The following PACRGL variants were observed in gnomAD, a reference collection of about 807,000 sequenced individuals.
The protein encoded by PACRGL is parkin coregulated like.
Under a neutral mutation model 34.5 loss-of-function variants are expected in PACRGL, and 38 were observed. The ratio of observed to expected loss-of-function variants is 1.10; its 90% confidence interval spans 0.85 to 1.44. The LOEUF is 1.44. Ranked by LOEUF, PACRGL falls within the 40% of genes most tolerant of loss-of-function variation. The pLI is 0.00. For synonymous variants in PACRGL, 128 were observed against 100.1 expected (o/e 1.28, Z -1.66); for missense variants, 305 against 281.4 (o/e 1.08, Z -0.60).
chr4:20,758,965 G>C, the PACRGL span: 1 of 1,147,846 alleles, frequency 8.7e-7, no homozygotes, highest in Non-Finnish European at 1.3e-6. Flanking sequence ...TTTTGAAACA[G>C]AACTGTCTAC....
At chr4:20,747,804 A>T (rs900360033) in intron 8 of PACRGL, among the ~76,000 whole-genome samples, 1 of 151,994 alleles carries the variant, frequency 6.6e-6, no homozygotes, top group Non-Finnish European at 1.5e-5. Context: ...TGCCCTGTTC[A>T]TCCTGCCCCT....
Position 20,712,828 on chromosome 4 carries a change from A to G in PACRGL, c.407A>G (p.Lys136Arg). 6.3e-7 allele frequency: 1 copy of G among 1,597,904 alleles called. No homozygotes were observed. Among genetic ancestry groups the G allele is most frequent in the Non-Finnish European group, 8.5e-7 (1 of 1,170,404 alleles). ...ETKHPYTFVS[K>R]EGFRELLLVK... The stretch of plus-strand genomic sequence containing the variant: ...AAGCATCCATACACTTTTGTGTCAA[A>G]GGAGGGTTTTAGAGAATTACTTTTG... The change falls in exon 6 of 9, where the codon AAG (lysine) becomes AGG (arginine). Residue 136 changes from lysine (K) to arginine (R), a missense_variant. By Grantham distance (26) the Lys-to-Arg change is conservative. Coordinates refer to ENST00000503585, the MANE Select transcript of PACRGL (RefSeq NM_001258345.3).
At chr4:20,708,702 A>G (rs10031524) in intron 4 of PACRGL, among the ~76,000 whole-genome samples, 76,602 of 152,006 alleles carry the variant, frequency 0.5, 19,868 homozygotes, top group African/African-American at 0.61. Flanking sequence ...TCAAGAAGTC[A>G]AGAACATTAC....
the PACRGL span, among the ~76,000 whole-genome samples, chr4:20,762,899 C>G: frequency 6.6e-6 from 1 of 152,276 alleles, no homozygotes; most frequent in South Asian, 2.1e-4. Flanking sequence ...CCTCAGGAAA[C>G]TTACAATCAT....
At chr4:20,726,369 A>G (rs752697989) in intron 8 of PACRGL, among the ~76,000 whole-genome samples, 1 of 152,058 alleles carries the variant, frequency 6.6e-6, no homozygotes, top group Non-Finnish European at 1.5e-5. Flanking sequence ...AAGGGCTGTT[A>G]TTATTTATTT....
At chr4:20,700,149 G>T (rs1731572015), upstream of PACRGL, among the ~76,000 whole-genome samples, 1 of 152,218 alleles carries the variant, frequency 6.6e-6, no homozygotes, top group African/African-American at 2.4e-5. Context: ...AAGTGTGCGA[G>T]AAAAGCGTTT....
chr4:20,724,296 G>A (rs1744735478), intron 7 of PACRGL, among the ~76,000 whole-genome samples: 1 of 152,128 alleles, frequency 6.6e-6, no homozygotes, highest in Non-Finnish European at 1.5e-5. Context: ...GATGGCCCAT[G>A]GATCTGCATG....
Position 20,707,833 on chromosome 4 carries a change from T to G in PACRGL, c.238T>G (p.Phe80Val). 1 of 1,613,908 alleles carries G rather than the reference T, an allele frequency of 6.2e-7. No homozygotes were observed. The highest frequency in any genetic ancestry group is 2.2e-5 in the East Asian group (1 of 44,876). ...FGEQSRVPSA[F>V]AAIYSKGGIP... ...TGAACAGTCACGAGTGCCTTCTGCATTTGCAGCTATTTACTCTAAAGGAGG... is the reference window on the plus strand; with the variant it reads ...TGAACAGTCACGAGTGCCTTCTGCAGTTGCAGCTATTTACTCTAAAGGAGG... The change falls in exon 4 of 9, where the codon TTT (phenylalanine) becomes GTT (valine). Residue 80 changes from phenylalanine to valine, a missense_variant. Physicochemically the swap from Phe to Val is conservative, Grantham distance 50 (BLOSUM62 -1). Coordinates refer to ENST00000503585, the MANE Select transcript of PACRGL (RefSeq NM_001258345.3).
upstream of PACRGL, among the ~76,000 whole-genome samples, chr4:20,699,145 A>G (rs573728221): frequency 6.6e-6 from 1 of 152,224 alleles, no homozygotes; most frequent in Non-Finnish European, 1.5e-5. Flanking sequence ...GCTAGGAGTA[A>G]GGAAAATATA....
chr4:20,766,108 T>A, the PACRGL span, among the ~76,000 whole-genome samples: 9 of 152,198 alleles, frequency 5.9e-5, no homozygotes, highest in Non-Finnish European at 1.2e-4. Flanking sequence ...TTCCAACCCT[T>A]GCATTAAATG....
rs1472601462 is a variant in PACRGL at position 20,720,087 on chromosome 4, G to A, written c.610-4721G>A. Among the ~76,000 whole-genome samples the A allele has an allele frequency of 5.9e-5, 9 of 152,192 alleles. No homozygotes were observed. The South Asian group carries it at 1.7e-3, about 28-fold the overall frequency. On this transcript the variant is annotated intron_variant, in intron 7 of 8. Coordinates refer to ENST00000503585, the MANE Select transcript of PACRGL (RefSeq NM_001258345.3). ...TTGATCCCTTTACCATTATGTAATG[G>A]CCTTCTTTGTCTCTTTTGATCTTTG...
intron 5 of PACRGL, among the ~76,000 whole-genome samples, chr4:20,712,323 C>T (rs1353891239): frequency 6.6e-6 from 1 of 150,738 alleles, no homozygotes. Flanking sequence ...GTACAGTTGG[C>T]CCTTCCCATC....
At chr4:20,760,161 T>C in the PACRGL span, among the ~76,000 whole-genome samples, 1 of 152,174 alleles carries the variant, frequency 6.6e-6, no homozygotes. Context: ...AAGTTCTGTT[T>C]AGTCTCTTTT....
At chr4:20,705,828 G>A (rs2149055155) in intron 3 of PACRGL, among the ~76,000 whole-genome samples, 1 of 150,516 alleles carries the variant, frequency 6.6e-6, no homozygotes, top group Non-Finnish European at 1.5e-5. Context: ...TAAAACAAAT[G>A]AGTTGGAAGT....
chr4:20,753,640 T>C (rs1234976635), downstream of PACRGL, among the ~76,000 whole-genome samples: 3 of 152,204 alleles, frequency 2.0e-5, no homozygotes, highest in South Asian at 6.2e-4. Context: ...CTTCATGTAT[T>C]TGAATATACA....
In PACRGL at chr4:20,731,305, C is replaced by CTTAAG. The variant is rs893170325; in HGVS notation, c.*3968_*3972dup. On this transcript the variant is annotated 3_prime_UTR_variant, in exon 9 of 9. Coordinates refer to ENST00000503585, the MANE Select transcript of PACRGL (RefSeq NM_001258345.3). The stretch of plus-strand genomic sequence containing the variant: ...CCCACATTGGACTCAAAATCCTGGC[C>CTTAAG]TTAAGTTATCTTCCCGCCTCAGCCT... 12 of 784,580 alleles carry CTTAAG rather than the reference C, an allele frequency of 1.5e-5. No homozygotes were observed. Among genetic ancestry groups the CTTAAG allele is most frequent in the Admixed American group, 6.3e-5 (1 of 15,984 alleles). 48.6% of individuals were successfully genotyped at this position (784,580 alleles called of 1,614,324 possible).
Position 20,704,494 on chromosome 4 carries a change from G to T in PACRGL, c.13G>T (p.Glu5Ter), listed in dbSNP as rs1344088363. 1.2e-6 allele frequency: 2 copies of T among 1,613,762 alleles called. No homozygotes were observed. The highest frequency in any genetic ancestry group is 1.1e-5 in the South Asian group (1 of 91,052). MQKS[E>*]GSGGTQLKNR... is the part of the protein sequence containing the mutation. ...TGAAAGGGAAGCAATGCAGAAATCA[G>T]AGGGCTCTGGAGGTACACAGTTGAA... Residue 5 changes from glutamate (E) to a stop codon, truncating the protein, a stop_gained, in exon 2 of 9, where the codon GAG becomes TAG. Coordinates refer to ENST00000503585, the MANE Select transcript of PACRGL (RefSeq NM_001258345.3). LOFTEE classifies it high-confidence loss of function.
intron 7 of PACRGL, among the ~76,000 whole-genome samples, chr4:20,722,210 A>G (rs1743630272): frequency 1.3e-5 from 2 of 152,240 alleles, no homozygotes; most frequent in South Asian, 4.1e-4. Flanking sequence ...TCGATATTCC[A>G]GGTGCCATCT....
chr4:20,730,001 A>G lies in PACRGL; in HGVS notation c.*2660A>G, dbSNP rs993750985. ...GCTTCAGTGTCAAGCTGAGCAATCT[A>G]TGCTAAAAGTGGTAGCTCCAACTTT... On this transcript the variant is annotated 3_prime_UTR_variant, in exon 9 of 9. Coordinates refer to ENST00000503585, the MANE Select transcript of PACRGL (RefSeq NM_001258345.3). 6.6e-6 allele frequency: 10 copies of G among 1,503,978 alleles called. No homozygotes were observed. In the African/African-American group the frequency reaches 9.8e-5, roughly 15 times the overall value. 93.2% of individuals were successfully genotyped at this position (1,503,978 alleles called of 1,614,324 possible).
Sources: gnomAD v4.1 joint callset for allele counts (sites outside exome capture counted in the v4.1 genomes callset) on GRCh38, gnomAD v4.1.1 for gene constraint, MANE v1.5 for transcripts, NCBI Gene and HGNC (gene_info 2026-07-23, HGNC 2026-07-21) for gene names.